ANKRD44: variants seen among roughly 807,000 people sequenced by gnomAD.
The protein encoded by ANKRD44 is ankyrin repeat domain 44, also known as serine/threonine-protein phosphatase 6 regulatory ankyrin repeat subunit B.
ANKRD44 carries 35 observed loss-of-function variants against 116.0 expected under a neutral mutation model. That is an observed-to-expected ratio of 0.30 (90% CI 0.23 to 0.40). The LOEUF (loss-of-function observed/expected upper bound fraction) is 0.40. ANKRD44 is among the 10% of genes least tolerant of loss of function. The pLI is 1.00. For synonymous variants in ANKRD44, 435 were observed against 461.8 expected, an observed-to-expected ratio of 0.94 and a Z score of 0.74; for missense variants, 1,014 against 1,242.6, an observed-to-expected ratio of 0.82 and a Z score of 2.77.
intron 16 of ANKRD44, among the ~76,000 whole-genome samples, chr2:197,038,496 G>A (rs540336028): frequency 6.6e-6 from 1 of 152,308 alleles, no homozygotes; most frequent in Non-Finnish European, 1.5e-5. Context: ...CTGCTACAAG[G>A]TGATGAAATC....
intron 1 of ANKRD44, among the ~76,000 whole-genome samples, chr2:197,294,686 T>A (rs920832773): frequency 2.6e-5 from 4 of 152,222 alleles, no homozygotes; most frequent in Non-Finnish European, 4.4e-5. Context: ...AACATTAGAT[T>A]AGTAGACAGC....
At chr2:197,148,879 G>A (rs926084809) in intron 2 of ANKRD44, among the ~76,000 whole-genome samples, 8 of 152,128 alleles carry the variant, frequency 5.3e-5, no homozygotes, top group East Asian at 1.9e-4. Context: ...AATTCAGTAC[G>A]ATATATGACT....
At position 197,203,036 on chromosome 2, in the gene ANKRD44, T is replaced by G. The variant is rs933694690; in HGVS notation, c.28-15930A>C. On this transcript the variant is annotated intron_variant, in intron 1 of 27. Transcript: ENST00000282272. This position sits in a 1 kb window ranked among gnomAD's most constrained non-coding sequence, Gnocchi z 4.1. The stretch of plus-strand genomic sequence containing the variant: ...CTAGCACAAGCGCTTGCAAAGGCTC[T>G]CCAGGTGACTCATACAGCTTCAACA... Among the ~76,000 whole-genome samples, 12 of 152,144 alleles carry G rather than the reference T, an allele frequency of 7.9e-5. No individual in the cohort carries two copies. Among genetic ancestry groups the G allele is most frequent in the African/African-American group, 2.9e-4 (12 of 41,416 alleles).
intron 2 of ANKRD44, among the ~76,000 whole-genome samples, chr2:197,156,958 G>A (rs913502423): frequency 1.3e-5 from 2 of 152,198 alleles, no homozygotes; most frequent in Admixed American, 1.3e-4. Flanking sequence ...GAGACTGGGA[G>A]GGGTAGCAGG....
At chr2:197,030,469 C>CCGTGTGGAT (rs980321083) in intron 16 of ANKRD44, among the ~76,000 whole-genome samples, 2 of 151,956 alleles carry the variant, frequency 1.3e-5, no homozygotes, top group Admixed American at 1.3e-4. Flanking sequence ...GTGGATCAAG[C>CCGTGTGGAT]CAAAAAGTGG....
chr2:197,146,205 C>A (rs1232709389), intron 3 of ANKRD44, among the ~76,000 whole-genome samples: 1 of 152,158 alleles, frequency 6.6e-6, no homozygotes, highest in African/African-American at 2.4e-5. Context: ...TTGCTATACT[C>A]CCTTCTAAAT....
downstream of ANKRD44, among the ~76,000 whole-genome samples, chr2:196,982,108 T>TATATATATATATATATATATATATA (rs2075805174): frequency 1.0e-5 from 1 of 96,544 alleles, no homozygotes; most frequent in Non-Finnish European, 2.1e-5. Flanking sequence ...CTAAAAAAAA[T>TATATATATATATATATATATATATA]TATATATATA....
intron 16 of ANKRD44, among the ~76,000 whole-genome samples, chr2:197,031,686 G>A (rs1474184587): frequency 6.6e-6 from 1 of 152,100 alleles, no homozygotes; most frequent in Non-Finnish European, 1.5e-5. Flanking sequence ...TCAAATAATG[G>A]TGTAAAAATT....
At chr2:197,273,980 A>AT (rs1339525916) in intron 1 of ANKRD44, among the ~76,000 whole-genome samples, 1 of 43,926 alleles carries the variant, frequency 2.3e-5, no homozygotes, top group African/African-American at 1.0e-4. Flanking sequence ...AAAAAAAAAA[A>AT]ATATATATAT....
At chr2:197,186,560 G>A (rs959822002) in intron 2 of ANKRD44, among the ~76,000 whole-genome samples, 1 of 147,278 alleles carries the variant, frequency 6.8e-6, no homozygotes, top group African/African-American at 2.5e-5. Flanking sequence ...GAACTCCTGG[G>A]CTCAGGCAAT....
intron 2 of ANKRD44, among the ~76,000 whole-genome samples, chr2:197,159,667 C>A (rs1172143188): frequency 6.6e-6 from 1 of 152,124 alleles, no homozygotes; most frequent in Non-Finnish European, 1.5e-5. Context: ...TTAAACATGG[C>A]AAAATTGTAA....
chr2:197,029,588 A>G, intron 16 of ANKRD44: 6 of 447,206 alleles, frequency 1.3e-5, no homozygotes, highest in Non-Finnish European at 2.6e-5. Context: ...CAAACTGTTC[A>G]GTTTTCTTAC....
chr2:196,997,805 T>G (rs911449163), intron 25 of ANKRD44, among the ~76,000 whole-genome samples: 2 of 76,374 alleles, frequency 2.6e-5, no homozygotes, highest in Non-Finnish European at 7.8e-5. Flanking sequence ...CACACCACTA[T>G]TTGAAAAAAA....
At chr2:197,038,554 A>C (rs2076849835) in intron 16 of ANKRD44, among the ~76,000 whole-genome samples, 1 of 152,222 alleles carries the variant, frequency 6.6e-6, no homozygotes, top group African/African-American at 2.4e-5. Context: ...AGGGGTCATA[A>C]GGAAGTAAAG....
At chr2:197,273,947 A>G (rs2082971860) in intron 1 of ANKRD44, among the ~76,000 whole-genome samples, 1 of 129,690 alleles carries the variant, frequency 7.7e-6, no homozygotes, top group South Asian at 2.6e-4. Context: ...CCTGTAAGCT[A>G]GTCAACCAAC....
intron 1 of ANKRD44, among the ~76,000 whole-genome samples, chr2:197,308,704 C>A (rs2084149421): frequency 6.6e-6 from 1 of 152,218 alleles, no homozygotes; most frequent in African/African-American, 2.4e-5. Flanking sequence ...TCTTAAAAGG[C>A]AACATCTTTG....
chr2:197,309,549 T>G (rs1179149774), intron 1 of ANKRD44, among the ~76,000 whole-genome samples: 1 of 152,176 alleles, frequency 6.6e-6, no homozygotes, highest in African/African-American at 2.4e-5. Flanking sequence ...ATGCAACCCA[T>G]GGACAAGTTT....
intron 16 of ANKRD44, among the ~76,000 whole-genome samples, chr2:197,031,054 G>A (rs539507154): frequency 6.6e-6 from 1 of 152,222 alleles, no homozygotes; most frequent in Admixed American, 6.5e-5. Flanking sequence ...CACAACACTG[G>A]AAAGCAAAAC....
intron 1 of ANKRD44, chr2:197,250,978 C>T (rs978389957): frequency 6.6e-6 from 1 of 152,216 alleles, no homozygotes; most frequent in African/African-American, 2.4e-5. Context: ...CTTCACCCAT[C>T]TTCACTGCAT....
Sources: allele counts gnomAD v4.1 joint callset (sites outside exome capture counted in the v4.1 genomes callset), GRCh38; gene constraint gnomAD v4.1.1; non-coding constraint Gnocchi (gnomAD v3.1); transcripts MANE v1.5; gene names NCBI Gene and HGNC (gene_info 2026-07-23, HGNC 2026-07-21).